The following DAPK2 variants were observed in gnomAD, a reference collection of about 807,000 sequenced individuals.
DAPK2 encodes death associated protein kinase 2, also known as death-associated protein kinase 2.
Under a neutral mutation model 44.1 loss-of-function variants are expected in DAPK2, and 35 were observed. That is an observed-to-expected ratio of 0.79 (90% CI 0.61 to 1.05). The LOEUF (loss-of-function observed/expected upper bound fraction) is 1.05, where lower values mean the gene tolerates loss of function less well. DAPK2 is among the 50% of genes least tolerant of loss of function. The probability of loss-of-function intolerance (pLI) is 0.00; values close to 1 mark genes in which losing one functional copy is unlikely to be tolerated. For missense variants in DAPK2, 453 were observed against 483.2 expected, an observed-to-expected ratio of 0.94 and a Z score of 0.59; for synonymous variants, 174 against 182.6, an observed-to-expected ratio of 0.95 and a Z score of 0.38.
intron 8 of DAPK2, chr15:63,922,277 T>G (rs145117848): frequency 5.6e-5 from 56 of 991,314 alleles, no homozygotes; most frequent in Non-Finnish European, 6.2e-5. Flanking sequence ...ATTTTCTCTA[T>G]GCATTGTAAA....
At chr15:63,957,666 T>G (rs1012024037) in intron 3 of DAPK2, among the ~76,000 whole-genome samples, 1 of 152,026 alleles carries the variant, frequency 6.6e-6, no homozygotes, top group Non-Finnish European at 1.5e-5. Flanking sequence ...TTCATCCATG[T>G]CCCTACAAAG....
chr15:63,908,730 A>G lies in DAPK2; in HGVS notation c.1033-130T>C. The G allele has an allele frequency of 1.5e-6, 1 of 675,694 alleles. No homozygotes were observed. The highest frequency in any genetic ancestry group is 2.3e-6 in the Non-Finnish European group (1 of 426,828). The allele number at this position is 675,694 out of a possible 1,614,324, so 41.9% of individuals were successfully genotyped here. ...ACAAGCCAGGGAGGTGGGTGGTGAA[A>G]GCAAGCCTGCTGATCCATCCAGGGG... On this transcript the variant is annotated intron_variant, in intron 10 of 10. Coordinates refer to ENST00000261891, the Ensembl canonical transcript of DAPK2. The surrounding 1 kb of genome is among the most constrained non-coding windows in gnomAD (Gnocchi z 5.7).
intron 1 of DAPK2, among the ~76,000 whole-genome samples, chr15:64,009,872 G>A (rs1455615462): frequency 6.6e-6 from 1 of 152,126 alleles, no homozygotes; most frequent in South Asian, 2.1e-4. Context: ...TCAAGACTTC[G>A]AGGTGGTTAG....
chr15:63,971,576 CG>C lies in DAPK2; in HGVS notation c.315-16del, dbSNP rs754224413. 6.2e-7 allele frequency: 1 copy of C among 1,612,936 alleles called. No homozygotes were observed. The highest frequency in any genetic ancestry group is 8.5e-7 in the Non-Finnish European group (1 of 1,179,406). On this transcript the variant is annotated splice_polypyrimidine_tract_variant and intron_variant, in intron 2 of 10. Transcript: ENST00000261891. ...CTCCAGACACTCTGTAAAACACCAGCGGGGGGAGGGGAGGCCCAGGCCCAGT... is the reference window on the plus strand; with the variant it reads ...CTCCAGACACTCTGTAAAACACCAGCGGGGGAGGGGAGGCCCAGGCCCAGT...
chr15:63,914,755 T>C (rs1197014663), intron 8 of DAPK2, among the ~76,000 whole-genome samples: 1 of 152,196 alleles, frequency 6.6e-6, no homozygotes, highest in Non-Finnish European at 1.5e-5. Context: ...CTCCGGGTCT[T>C]TGCCCTTGCT....
At chr15:63,969,995 C>T (rs1000852212) in intron 3 of DAPK2, among the ~76,000 whole-genome samples, 9 of 152,324 alleles carry the variant, frequency 5.9e-5, no homozygotes, top group Admixed American at 2.0e-4. Context: ...TAATTAGGCA[C>T]CTAATCAATC....
At chr15:63,928,807 A>T (rs2079401985) in intron 6 of DAPK2, among the ~76,000 whole-genome samples, 1 of 152,068 alleles carries the variant, frequency 6.6e-6, no homozygotes, top group Non-Finnish European at 1.5e-5. Flanking sequence ...AAAGGAGGAG[A>T]GAGACAGTGA....
In DAPK2 at chr15:63,939,667, G is replaced by A. The variant is rs1347179110; in HGVS notation, c.454-306C>T. On this transcript the variant is annotated intron_variant, in intron 3 of 10. Transcript: ENST00000261891. The surrounding 1 kb of genome is among the most constrained non-coding windows in gnomAD (Gnocchi z 4.3). ...CTGAGTGGCAGATCCCTTTAATGCA[G>A]TGCCTCTGTTTTCCTATCTGTCAAA... Among the ~76,000 whole-genome samples the A allele has an allele frequency of 6.6e-6, 1 of 152,146 alleles. No homozygotes were observed. The highest frequency in any genetic ancestry group is 1.5e-5 in the Non-Finnish European group (1 of 68,028).
At chr15:63,970,751 A>C (rs967283802) in intron 3 of DAPK2, among the ~76,000 whole-genome samples, 1 of 152,258 alleles carries the variant, frequency 6.6e-6, no homozygotes, top group South Asian at 2.1e-4. Flanking sequence ...GTATAGGCTC[A>C]TCAGTCTATG....
In DAPK2 at chr15:63,908,550, G is replaced by T. The variant is rs780414531; in HGVS notation, c.1083C>A (p.Leu361=). The stretch of plus-strand genomic sequence containing the variant: ...AGGTGCTGCTCCTCCTCCGTGGGTG[G>T]AGGGCTTTCCTCCTGGCGATGTCCT... The change falls in exon 11 of 11, where the codon CTC becomes CTA. Residue 361 remains leucine, a synonymous_variant. Transcript: ENST00000261891. The surrounding 1 kb of genome is among the most constrained non-coding windows in gnomAD (Gnocchi z 5.7). 4.4e-6 allele frequency: 7 copies of T among 1,601,968 alleles called. No homozygotes were observed. The highest frequency in any genetic ancestry group is 1.7e-6 in the Non-Finnish European group (2 of 1,175,530).
intron 3 of DAPK2, among the ~76,000 whole-genome samples, chr15:63,968,308 G>A (rs2078112732): frequency 6.6e-6 from 1 of 152,226 alleles, no homozygotes; most frequent in African/African-American, 2.4e-5. Flanking sequence ...GAATCAGAAA[G>A]CTCAGGTCCT....
At chr15:63,948,367 T>A (rs143206853) in intron 3 of DAPK2, among the ~76,000 whole-genome samples, 263 of 143,960 alleles carry the variant, frequency 1.8e-3, no homozygotes, top group African/African-American at 6.3e-3. Flanking sequence ...TGGAGAGGCC[T>A]CAAGAAGCTT....
chr15:63,909,312 A>C (rs1279230459), intron 10 of DAPK2: 1 of 151,926 alleles, frequency 6.6e-6, no homozygotes, highest in East Asian at 1.9e-4. Context: ...TGCTTCCTAA[A>C]CAAAAGGACC....
At position 63,990,647 on chromosome 15, in the gene DAPK2, C is replaced by T. The variant is rs990628073; in HGVS notation, c.93-6893G>A. Among the ~76,000 whole-genome samples, 3 of 152,266 alleles carry T rather than the reference C, an allele frequency of 2.0e-5. No homozygotes were observed. The highest frequency in any genetic ancestry group is 1.9e-4 in the East Asian group (1 of 5,172). On this transcript the variant is annotated intron_variant, in intron 1 of 10. Transcript: ENST00000261891. This position sits in a 1 kb window ranked among gnomAD's most constrained non-coding sequence, Gnocchi z 4.3. ...TGGGAAGTGTTCCAAAGCAGAGGGT[C>T]GCGGAGACTGGCTTCCTCCTCCTGC...
rs200481293 is a variant in DAPK2, at chr15:63,971,579, G to A, written c.315-18C>T. 5.6e-6 allele frequency: 9 copies of A among 1,613,042 alleles called. No homozygotes were observed. Among genetic ancestry groups the A allele is most frequent in the East Asian group, 2.2e-5 (1 of 44,814 alleles). On this transcript the variant is annotated intron_variant, in intron 2 of 10. Transcript: ENST00000261891. Reference sequence around the variant, plus strand: ...CAGACACTCTGTAAAACACCAGCGGGGGGAGGGGAGGCCCAGGCCCAGTCA... The same window carrying A: ...CAGACACTCTGTAAAACACCAGCGGAGGGAGGGGAGGCCCAGGCCCAGTCA...
chr15:64,032,858 G>A (rs1482854532), intron 1 of DAPK2, among the ~76,000 whole-genome samples: 1 of 152,050 alleles, frequency 6.6e-6, no homozygotes, highest in Non-Finnish European at 1.5e-5. Context: ...GGCTGAGGTG[G>A]GTGGATCACC....
intron 1 of DAPK2, among the ~76,000 whole-genome samples, chr15:64,002,077 ACT>A (rs1321208090): frequency 6.6e-6 from 1 of 152,096 alleles, no homozygotes; most frequent in Non-Finnish European, 1.5e-5. Context: ...CTCATTTTAC[ACT>A]CTCAAATCCT....
intron 1 of DAPK2, among the ~76,000 whole-genome samples, chr15:64,014,102 C>T (rs1399820675): frequency 3.3e-5 from 5 of 152,204 alleles, no homozygotes; most frequent in Admixed American, 1.3e-4. Context: ...CACCTACCCA[C>T]GGAGAACCTG....
In DAPK2 at chr15:63,923,205, C is replaced by A. The variant is rs73450786; in HGVS notation, c.858+1611G>T. 3,293 of 1,535,876 alleles carry A rather than the reference C, an allele frequency of 2.1e-3. 68 individuals carry two copies. In the African/African-American group the frequency reaches 0.04, roughly 19 times the overall value. ...CGAGCCACGTCTTCCACCACACAGG[C>A]AAAACGCTCGAAGTTGACATAGGAG... is the stretch of plus-strand genomic sequence containing the variant. On this transcript the variant is annotated intron_variant, in intron 8 of 10. Coordinates refer to ENST00000261891, the Ensembl canonical transcript of DAPK2. This position sits in a 1 kb window ranked among gnomAD's most constrained non-coding sequence, Gnocchi z 4.2.
Sources: gnomAD v4.1 joint callset for allele counts (sites outside exome capture counted in the v4.1 genomes callset) on GRCh38, gnomAD v4.1.1 for gene constraint, Gnocchi (gnomAD v3.1) non-coding constraint, MANE v1.5 for transcripts, NCBI Gene and HGNC (gene_info 2026-07-23, HGNC 2026-07-21) for gene names.